Variants in CPA3 observed in about 807,000 individuals in gnomAD.
CPA3 encodes carboxypeptidase A3.
Under a neutral mutation model 55.8 loss-of-function variants are expected in CPA3, and 52 were observed. The observed-to-expected ratio is 0.93, with a 90% CI of 0.75 to 1.17. The LOEUF is 1.17. Among genes scored for constraint, CPA3 ranks in the 50% most tolerant of loss-of-function variants. CPA3 has a pLI of 0.00. For synonymous variants in CPA3, 179 were observed against 171.2 expected (o/e 1.05, Z -0.36); for missense variants, 547 against 509.1 (o/e 1.07, Z -0.72).
chr3:148,880,014 A>G (rs1008995193), intron 6 of CPA3, 125 bp downstream of exon 6: 15 of 619,308 alleles, frequency 2.4e-5, no homozygotes, highest in Non-Finnish European at 4.3e-5. Context: ...TGGTGCTGTC[A>G]GGGAAGAAAC....
intron 3 of CPA3, 53 bp downstream of exon 3, chr3:148,869,092 C>G: frequency 6.3e-7 from 1 of 1,595,796 alleles, no homozygotes. Context: ...TTTTGGGAGC[C>G]TTGAAGTAGA....
intron 3 of CPA3, among the ~76,000 whole-genome samples, chr3:148,870,264 T>G (rs976858797): frequency 2.0e-5 from 3 of 152,086 alleles, no homozygotes; most frequent in African/African-American, 7.2e-5. Context: ...TCATTTTTTT[T>G]TTTTGAACTT....
chr3:148,873,096 C>G (rs112868199), intron 3 of CPA3, among the ~76,000 whole-genome samples: 4,818 of 149,646 alleles, frequency 0.032, 255 homozygotes, highest in African/African-American at 0.11. Flanking sequence ...GAGGCTATCA[C>G]CAGATGTTCC....
chr3:148,876,363 A>C (rs997814567), intron 3 of CPA3, among the ~76,000 whole-genome samples: 2 of 151,878 alleles, frequency 1.3e-5, no homozygotes, highest in Non-Finnish European at 2.9e-5. Flanking sequence ...CTAATTCCTA[A>C]AATGATTCTG....
chr3:148,880,958 C>T (rs1022633086), intron 6 of CPA3, among the ~76,000 whole-genome samples: 1 of 151,878 alleles, frequency 6.6e-6, no homozygotes, highest in Non-Finnish European at 1.5e-5. Context: ...AAGGACTTCC[C>T]AAGAGTGGTG....
chr3:148,883,294 A>T lies in CPA3; in HGVS notation c.779-319A>T, dbSNP rs76324587. ...TTCACACCAGCCCCCAGCGCATTAG[A>T]GCTGGGGTTGAATTAGAACTGGAGT... On this transcript the variant is annotated intron_variant, in intron 8 of 10. Coordinates refer to ENST00000296046, the MANE Select transcript of CPA3 (RefSeq NM_001870.4). Among the ~76,000 whole-genome samples the T allele has an allele frequency of 2.4e-3, 373 of 152,274 alleles. 2 individuals are homozygous for T. Among genetic ancestry groups the T allele is most frequent in the African/African-American group, 8.3e-3 (343 of 41,572 alleles).
chr3:148,885,191 C>T (rs932627915), intron 9 of CPA3, among the ~76,000 whole-genome samples: 5 of 151,852 alleles, frequency 3.3e-5, no homozygotes, highest in African/African-American at 1.2e-4. Context: ...GATCCTGTAG[C>T]AATATGAGCC....
At chr3:148,889,337 C>G (rs895547772) in intron 10 of CPA3, among the ~76,000 whole-genome samples, 6 of 152,052 alleles carry the variant, frequency 3.9e-5, no homozygotes, top group Admixed American at 6.5e-5. Flanking sequence ...CAGCATCTAG[C>G]ATTTGTCAGT....
rs1438096782 is a variant in CPA3 at position 148,883,674 on chromosome 3, G to C, written c.840G>C (p.Glu280Asp). Residue 280 changes from glutamate (E) to aspartate (D), a missense_variant, in exon 9 of 11, where the codon GAG becomes GAC. Coordinates refer to ENST00000296046, the MANE Select transcript of CPA3 (RefSeq NM_001870.4). ...DNYRGSAPES[E>D]KETKAVTNFI... Reference sequence around the variant, plus strand: ...ATCGGGGCTCTGCACCAGAGTCCGAGAAAGAGACGAAAGCTGTCACTAATT... The same window carrying C: ...ATCGGGGCTCTGCACCAGAGTCCGACAAAGAGACGAAAGCTGTCACTAATT... 3.1e-6 allele frequency: 5 copies of C among 1,614,092 alleles called. No homozygotes were observed. Among genetic ancestry groups the C allele is most frequent in the Non-Finnish European group, 4.2e-6 (5 of 1,179,970 alleles).
intron 3 of CPA3, among the ~76,000 whole-genome samples, chr3:148,874,446 C>T (rs1445198657): frequency 2.6e-5 from 4 of 152,136 alleles, no homozygotes; most frequent in Non-Finnish European, 5.9e-5. Context: ...TCTGTAATGA[C>T]CACCCAAAAT....
chr3:148,886,038 C>A, intron 9 of CPA3, 55 bp from the exon 10 acceptor site: 2 of 1,211,240 alleles, frequency 1.7e-6, no homozygotes, highest in Non-Finnish European at 2.4e-6. Flanking sequence ...ATTACATATT[C>A]CTTGGTATTT....
chr3:148,868,815 C>A, intron 2 of CPA3, 100 bp from the exon 3 acceptor site: 1 of 1,347,120 alleles, frequency 7.4e-7, no homozygotes, highest in Non-Finnish European at 1.0e-6. Context: ...TATGCTGAGC[C>A]CCAAATTCCT....
chr3:148,876,281 CATT>C (rs1448088682), intron 3 of CPA3, among the ~76,000 whole-genome samples: 2 of 151,276 alleles, frequency 1.3e-5, no homozygotes. Flanking sequence ...TGTTATGATC[CATT>C]ATTAATAAAA....
Position 148,876,203 on chromosome 3 carries a change from AATATAT to A in CPA3, c.270-2228_270-2223del, listed in dbSNP as rs35546621. On this transcript the variant is annotated intron_variant, in intron 3 of 10. Coordinates refer to ENST00000296046, the MANE Select transcript of CPA3 (RefSeq NM_001870.4). ...AGAAAAAAAGTCAAAAAACTGGTAA[AATATAT>A]ATATATATAAATAGATGATCAAAAT... is the stretch of plus-strand genomic sequence containing the variant. 1.6e-4 allele frequency among the ~76,000 whole-genome samples: 24 copies of A among 150,178 alleles called. No individual in the cohort carries two copies. The South Asian group carries it at 3.6e-3, about 22-fold the overall frequency.
At chr3:148,866,899 G>T (rs1367104524) in intron 2 of CPA3, among the ~76,000 whole-genome samples, 2 of 152,118 alleles carry the variant, frequency 1.3e-5, no homozygotes, top group Non-Finnish European at 2.9e-5. Context: ...TGGGATTACA[G>T]GTGCCCACCA....
At chr3:148,876,009 T>A (rs976482961) in intron 3 of CPA3, among the ~76,000 whole-genome samples, 2 of 151,790 alleles carry the variant, frequency 1.3e-5, no homozygotes, top group Non-Finnish European at 2.9e-5. Flanking sequence ...ATTAAGAAAA[T>A]TAGAAAGTAT....
intron 10 of CPA3, among the ~76,000 whole-genome samples, chr3:148,887,333 C>A (rs1459515456): frequency 6.6e-6 from 1 of 152,158 alleles, no homozygotes; most frequent in East Asian, 1.9e-4. Context: ...ATAATATCTG[C>A]AAATTTTTAT....
intron 7 of CPA3, among the ~76,000 whole-genome samples, 157 bp from the exon 8 acceptor site, chr3:148,882,348 A>G (rs1714395068): frequency 6.6e-6 from 1 of 152,256 alleles, no homozygotes; most frequent in Non-Finnish European, 1.5e-5. Context: ...ACAAATTATA[A>G]GAAAACAATA....
intron 2 of CPA3, among the ~76,000 whole-genome samples, chr3:148,867,969 C>T (rs1488156179): frequency 1.3e-5 from 2 of 152,170 alleles, no homozygotes; most frequent in African/African-American, 2.4e-5. Flanking sequence ...GATCTCGGCT[C>T]ACTGCAACCT....
Sources: allele counts gnomAD v4.1 joint callset (sites outside exome capture counted in the v4.1 genomes callset), GRCh38; gene constraint gnomAD v4.1.1; transcripts MANE v1.5; gene names NCBI Gene and HGNC (gene_info 2026-07-23, HGNC 2026-07-21).